Variants in CNTNAP4 observed in about 807,000 individuals in gnomAD.
CNTNAP4 encodes contactin associated protein family member 4, also known as contactin-associated protein-like 4.
A neutral mutation model predicts 148.4 loss-of-function variants in CNTNAP4; 98 were observed. The observed-to-expected ratio is 0.66, with a 90% CI of 0.56 to 0.78. The LOEUF (loss-of-function observed/expected upper bound fraction) is 0.78. CNTNAP4 is among the 30% of genes least tolerant of loss of function. The pLI is 0.00. For missense variants in CNTNAP4, 1,935 were observed against 1,565.6 expected (o/e 1.24, Z -3.98); for synonymous variants, 730 against 565.1 (o/e 1.29, Z -4.14).
chr16:76,560,074 T>TA lies in CNTNAP4; in HGVS notation c.*1392dup, dbSNP rs777297945. ...ATGATCAATAACCTTATGGAACTGT[T>TA]ACAATAATTAATCTTGAGACCATGC... is the stretch of plus-strand genomic sequence containing the variant. On this transcript the variant is annotated 3_prime_UTR_variant, in exon 24 of 24. Coordinates refer to ENST00000611870, the MANE Select transcript of CNTNAP4 (RefSeq NM_033401.5). Among the ~76,000 whole-genome samples the TA allele has an allele frequency of 9.2e-5, 14 of 152,160 alleles. No individual in the cohort carries two copies. Among genetic ancestry groups the TA allele is most frequent in the Non-Finnish European group, 1.9e-4 (13 of 68,028 alleles).
chr16:76,388,700 A>G (rs1419820138), intron 3 of CNTNAP4, among the ~76,000 whole-genome samples: 1 of 152,210 alleles, frequency 6.6e-6, no homozygotes, highest in African/African-American at 2.4e-5. Flanking sequence ...ATGCTAGGAA[A>G]TGTTCTAGAC....
At chr16:76,376,490 C>T (rs1029649882) in intron 3 of CNTNAP4, among the ~76,000 whole-genome samples, 1 of 147,054 alleles carries the variant, frequency 6.8e-6, no homozygotes, top group Non-Finnish European at 1.5e-5. Context: ...AGACTTCAGT[C>T]TATATAAAGG....
intron 15 of CNTNAP4, among the ~76,000 whole-genome samples, chr16:76,516,399 A>C (rs919920893): frequency 6.6e-6 from 1 of 152,192 alleles, no homozygotes; most frequent in Non-Finnish European, 1.5e-5. Flanking sequence ...GCTGCAATAA[A>C]CATACATGTG....
chr16:76,480,164 G>T (rs1002618768), intron 12 of CNTNAP4, among the ~76,000 whole-genome samples: 2 of 151,464 alleles, frequency 1.3e-5, no homozygotes, highest in African/African-American at 4.9e-5. Context: ...TATAAATATT[G>T]GGGAAAAAAA....
chr16:76,429,054 A>T (rs779706063), intron 4 of CNTNAP4, among the ~76,000 whole-genome samples: 4 of 152,188 alleles, frequency 2.6e-5, no homozygotes, highest in Non-Finnish European at 5.9e-5. Flanking sequence ...GTTGTTGAAT[A>T]ACAGAGATGA....
chr16:76,525,746 TA>T (rs1273643783), intron 17 of CNTNAP4, among the ~76,000 whole-genome samples: 1 of 5,906 alleles, frequency 1.7e-4, no homozygotes, highest in East Asian at 0.012. Context: ...ATATTGTATA[TA>T]ATATAGCTTA....
chr16:76,535,528 C>T lies in CNTNAP4; in HGVS notation c.2756-17C>T. 3 of 1,610,022 alleles carry T rather than the reference C, an allele frequency of 1.9e-6. No individual in the cohort carries two copies. Among genetic ancestry groups the T allele is most frequent in the South Asian group, 1.1e-5 (1 of 90,944 alleles). ...ACACCTAGGAACATGTTTCCATTTGCAGTATTTCCCTTTTAGGTGGAACGG... is the reference window on the plus strand; with the variant it reads ...ACACCTAGGAACATGTTTCCATTTGTAGTATTTCCCTTTTAGGTGGAACGG... On this transcript the variant is annotated splice_polypyrimidine_tract_variant and intron_variant, in intron 17 of 23. Transcript: ENST00000611870.
In CNTNAP4 at chr16:76,388,150, A is replaced by T. The variant is rs559812392; in HGVS notation, c.390+32639A>T. ...TACTTTACAAGTTCCTACTTTGTGGATTTAGCCAGATCAGCATCTTGTGGT... is the reference window on the plus strand; with the variant it reads ...TACTTTACAAGTTCCTACTTTGTGGTTTTAGCCAGATCAGCATCTTGTGGT... On this transcript the variant is annotated intron_variant, in intron 3 of 23. Transcript: ENST00000611870. Among the ~76,000 whole-genome samples, 3 of 152,236 alleles carry T rather than the reference A, an allele frequency of 2.0e-5. No individual in the cohort carries two copies. In the South Asian group the frequency reaches 6.2e-4, roughly 32 times the overall value.
chr16:76,449,097 G>A (rs4366733), intron 6 of CNTNAP4, 146 bp downstream of exon 6: 681,740 of 684,380 alleles, frequency 1, 339,605 homozygotes, highest in East Asian at 1. Flanking sequence ...AACTCACAGT[G>A]GCAGCTTTCG....
chr16:76,521,969 A>G (rs772162679), intron 16 of CNTNAP4, 70 bp from the exon 17 acceptor site: 10 of 1,342,980 alleles, frequency 7.4e-6, no homozygotes, highest in Admixed American at 3.4e-5. Flanking sequence ...GTGTGTTCCT[A>G]AGTATATTGG....
intron 9 of CNTNAP4, among the ~76,000 whole-genome samples, chr16:76,464,666 A>G (rs911876695): frequency 7.9e-5 from 12 of 152,264 alleles, no homozygotes; most frequent in African/African-American, 2.6e-4. Context: ...GGCTGTTCCA[A>G]CAGCCCGGGT....
rs1964611059 is a variant in CNTNAP4, at chr16:76,343,041, G to A, written c.197-12277G>A. Among the ~76,000 whole-genome samples the A allele has an allele frequency of 2.0e-5, 3 of 152,128 alleles. No individual in the cohort carries two copies. The South Asian group carries it at 6.2e-4, about 32-fold the overall frequency. On this transcript the variant is annotated intron_variant, in intron 2 of 23. Transcript: ENST00000611870. ...GCGTTCAGGAAAATGCAAGGGTGTG[G>A]ATAAGATTCATAGTATTGCCAGAAG...
chr16:76,358,304 C>T (rs1041106447), intron 3 of CNTNAP4, among the ~76,000 whole-genome samples: 1 of 152,156 alleles, frequency 6.6e-6, no homozygotes, highest in Non-Finnish European at 1.5e-5. Context: ...CCACTGCACT[C>T]CAGCCTGGGT....
At chr16:76,304,806 T>C (rs534530876) in intron 1 of CNTNAP4, among the ~76,000 whole-genome samples, 77 of 152,098 alleles carry the variant, frequency 5.1e-4, no homozygotes, top group Non-Finnish European at 1.0e-3. Flanking sequence ...TTGGCAACAG[T>C]GGTAGGCAGA....
At chr16:76,337,353 T>C (rs1964107004) in intron 2 of CNTNAP4, among the ~76,000 whole-genome samples, 1 of 151,934 alleles carries the variant, frequency 6.6e-6, no homozygotes, top group Non-Finnish European at 1.5e-5. Context: ...AGAGAAAGAG[T>C]ACAAATAGAG....
intron 1 of CNTNAP4, among the ~76,000 whole-genome samples, chr16:76,299,813 C>T (rs1054642995): frequency 6.6e-6 from 1 of 152,062 alleles, no homozygotes; most frequent in East Asian, 1.9e-4. Flanking sequence ...TACTATGCAG[C>T]CATAAAAAAT....
intron 2 of CNTNAP4, among the ~76,000 whole-genome samples, chr16:76,329,662 C>G (rs1008526452): frequency 2.0e-5 from 3 of 152,130 alleles, no homozygotes; most frequent in Non-Finnish European, 4.4e-5. Flanking sequence ...TAGCTTAAAA[C>G]CACATTTAAG....
intron 2 of CNTNAP4, among the ~76,000 whole-genome samples, chr16:76,340,152 T>A (rs893338917): frequency 5.9e-5 from 9 of 152,090 alleles, no homozygotes; most frequent in African/African-American, 2.2e-4. Context: ...TCCAACCTGC[T>A]TTTACCAAAA....
chr16:76,466,192 C>G (rs2081171456), intron 9 of CNTNAP4, among the ~76,000 whole-genome samples: 1 of 152,100 alleles, frequency 6.6e-6, no homozygotes, highest in Admixed American at 6.6e-5. Context: ...GTTTGTCTTT[C>G]TGTGCCTGGC....
Sources: gnomAD v4.1 joint callset for allele counts (sites outside exome capture counted in the v4.1 genomes callset) on GRCh38, gnomAD v4.1.1 for gene constraint, MANE v1.5 for transcripts, NCBI Gene and HGNC (gene_info 2026-07-23, HGNC 2026-07-21) for gene names.